The following FSHR variants were observed in gnomAD, a reference collection of about 807,000 sequenced individuals.
FSHR encodes follicle-stimulating hormone receptor.
In FSHR, 46 loss-of-function variants were observed where a neutral mutation model predicts 52.1. The observed-to-expected ratio is 0.88, with a 90% CI of 0.70 to 1.13. FSHR has a LOEUF of 1.13. FSHR is among the 50% of genes most tolerant of loss of function. The pLI is 0.00. For missense variants in FSHR, 964 were observed against 834.6 expected, an observed-to-expected ratio of 1.16 and a Z score of -1.91; for synonymous variants, 399 against 309.6, an observed-to-expected ratio of 1.29 and a Z score of -3.03.
At chr2:49,148,665 C>T (rs747392698) in intron 1 of FSHR, among the ~76,000 whole-genome samples, 14 of 152,004 alleles carry the variant, frequency 9.2e-5, no homozygotes, top group South Asian at 2.1e-4. Flanking sequence ...TAAATAAAGA[C>T]GGAGTGGTAA....
At chr2:49,039,260 A>C (rs1256110264) in intron 2 of FSHR, among the ~76,000 whole-genome samples, 1 of 152,176 alleles carries the variant, frequency 6.6e-6, no homozygotes, top group African/African-American at 2.4e-5. Flanking sequence ...GTTTTTGAAG[A>C]AGCCCAGGGT....
intron 3 of FSHR, among the ~76,000 whole-genome samples, chr2:49,019,858 C>G (rs965471990): frequency 6.6e-5 from 10 of 152,090 alleles, no homozygotes; most frequent in African/African-American, 2.4e-4. Context: ...GTCTATGATG[C>G]AAAAAATGAT....
At chr2:49,055,531 C>CAAAAAAAAAAAAAAA (rs75665223) in intron 2 of FSHR, among the ~76,000 whole-genome samples, 4 of 51,142 alleles carry the variant, frequency 7.8e-5, no homozygotes, top group Admixed American at 2.9e-4. Context: ...CCAGGAAGCT[C>CAAAAAAAAAAAAAAA]AAAAAAAAAA....
intron 3 of FSHR, among the ~76,000 whole-genome samples, chr2:49,018,336 T>G (rs1413110195): frequency 6.6e-6 from 1 of 152,210 alleles, no homozygotes; most frequent in Non-Finnish European, 1.5e-5. Context: ...TGCCCTTTCC[T>G]TGTCTTGCTG....
At chr2:49,150,256 A>G (rs1343333964) in intron 1 of FSHR, among the ~76,000 whole-genome samples, 1 of 151,968 alleles carries the variant, frequency 6.6e-6, no homozygotes, top group Non-Finnish European at 1.5e-5. Context: ...CTTACCCAGA[A>G]AGTAAGTCCA....
At chr2:49,153,658 A>AT (rs968093866) in intron 1 of FSHR, among the ~76,000 whole-genome samples, 2 of 151,986 alleles carry the variant, frequency 1.3e-5, no homozygotes, top group African/African-American at 2.4e-5. Flanking sequence ...TATTAATCAC[A>AT]TTTTTTTCCA....
intron 1 of FSHR, among the ~76,000 whole-genome samples, chr2:49,130,465 T>C (rs1244046710): frequency 6.6e-6 from 1 of 152,232 alleles, no homozygotes. Context: ...GCTCTCATGA[T>C]AGCCATTCTG....
intron 2 of FSHR, among the ~76,000 whole-genome samples, chr2:49,025,602 G>A: frequency 6.6e-6 from 1 of 152,060 alleles, no homozygotes; most frequent in Non-Finnish European, 1.5e-5. Context: ...ATGAAAATAT[G>A]TTCCAGAAAA....
intron 1 of FSHR, among the ~76,000 whole-genome samples, chr2:49,108,561 C>A (rs1671317316): frequency 6.6e-6 from 1 of 152,136 alleles, no homozygotes; most frequent in Non-Finnish European, 1.5e-5. Context: ...AGGCTGAGGG[C>A]CCACTGAGTT....
intron 1 of FSHR, among the ~76,000 whole-genome samples, chr2:49,149,770 A>C (rs1372633282): frequency 6.6e-6 from 1 of 152,082 alleles, no homozygotes; most frequent in Non-Finnish European, 1.5e-5. Context: ...AAGGAATGTA[A>C]GCCAAAGAAA....
At chr2:49,151,386 C>A (rs11891370) in intron 1 of FSHR, among the ~76,000 whole-genome samples, 1 of 151,996 alleles carries the variant, frequency 6.6e-6, no homozygotes, top group Admixed American at 6.6e-5. Flanking sequence ...ATGTACAAAA[C>A]ATACTGCATA....
chr2:48,984,128 C>T (rs1410243912), intron 6 of FSHR, among the ~76,000 whole-genome samples: 3 of 152,170 alleles, frequency 2.0e-5, no homozygotes, highest in Non-Finnish European at 4.4e-5. Flanking sequence ...ATCCAGGACT[C>T]TCTTTCCTGG....
At chr2:49,104,916 A>T (rs1202759928) in intron 1 of FSHR, among the ~76,000 whole-genome samples, 1 of 152,086 alleles carries the variant, frequency 6.6e-6, no homozygotes, top group African/African-American at 2.4e-5. Flanking sequence ...ACCCTTCTAA[A>T]AACTTTTGAG....
Position 48,962,573 on chromosome 2 carries a change from C to T in FSHR, c.*160G>A. On this transcript the variant is annotated 3_prime_UTR_variant, in exon 10 of 10. Transcript: ENST00000406846. Reference sequence around the variant, plus strand: ...CTAATAATTCAGCTTCCTAATGTATCACATGGAATTAATAGTTCCTGACCA... The same window carrying T: ...CTAATAATTCAGCTTCCTAATGTATTACATGGAATTAATAGTTCCTGACCA... 4 of 672,622 alleles carry T rather than the reference C, an allele frequency of 5.9e-6. No homozygotes were observed. Among genetic ancestry groups the T allele is most frequent in the South Asian group, 5.6e-5 (3 of 53,972 alleles). The allele number at this position is 672,622 out of a possible 1,614,324, so 41.7% of individuals were successfully genotyped here. A position where few individuals can be genotyped will look rare whatever the true frequency, so the allele number is the denominator to read the frequency against.
intron 2 of FSHR, among the ~76,000 whole-genome samples, chr2:49,029,680 T>G (rs200304003): frequency 6.6e-6 from 1 of 152,230 alleles, no homozygotes; most frequent in Non-Finnish European, 1.5e-5. Flanking sequence ...CATAGTGTTA[T>G]GCAAAGGTCG....
At chr2:49,070,166 C>T (rs1669676289) in intron 1 of FSHR, among the ~76,000 whole-genome samples, 1 of 151,980 alleles carries the variant, frequency 6.6e-6, no homozygotes, top group South Asian at 2.1e-4. Context: ...GTTGTAATAG[C>T]AATAAATGCT....
rs1671675127 is a variant in FSHR, at chr2:49,118,213, G to A, written c.152+36053C>T. 2.0e-5 allele frequency among the ~76,000 whole-genome samples: 3 copies of A among 152,156 alleles called. No individual in the cohort carries two copies. In the South Asian group the frequency reaches 6.2e-4, roughly 32 times the overall value. ...GAGGGGCTCCCAGCAGGAGTTGAGA[G>A]ATGTATTCCCAAGGAGGAAAGGAGG... On this transcript the variant is annotated intron_variant, in intron 1 of 9. Coordinates refer to ENST00000406846, the MANE Select transcript of FSHR (RefSeq NM_000145.4).
At chr2:49,033,245 C>A (rs760810848) in intron 2 of FSHR, among the ~76,000 whole-genome samples, 3 of 152,128 alleles carry the variant, frequency 2.0e-5, no homozygotes, top group African/African-American at 7.2e-5. Context: ...AATGAGGAAA[C>A]GTGAAAACTA....
chr2:49,149,514 G>A (rs1044913997), intron 1 of FSHR, among the ~76,000 whole-genome samples: 4 of 152,072 alleles, frequency 2.6e-5, no homozygotes, highest in South Asian at 2.1e-4. Context: ...AGTGACCTCT[G>A]TGGAATGTTA....
Sources: gnomAD v4.1 joint callset for allele counts (sites outside exome capture counted in the v4.1 genomes callset) on GRCh38, gnomAD v4.1.1 for gene constraint, MANE v1.5 for transcripts, NCBI Gene and HGNC (gene_info 2026-07-23, HGNC 2026-07-21) for gene names.